GOLGB1: variants seen among roughly 807,000 people sequenced by gnomAD.
GOLGB1 encodes golgin subfamily B member 1.
GOLGB1 carries 174 observed loss-of-function variants against 336.9 expected under a neutral mutation model. The ratio of observed to expected loss-of-function variants is 0.52; its 90% CI spans 0.46 to 0.59. The LOEUF is 0.59. Ranked by LOEUF, GOLGB1 falls within the 20% of genes least tolerant of loss-of-function variation. The pLI is 0.00. For synonymous variants in GOLGB1, 1,208 were observed against 1,289.2 expected (o/e 0.94, Z 1.35); for missense variants, 3,331 against 3,645.3 (o/e 0.91, Z 2.22).
intron 14 of GOLGB1, among the ~76,000 whole-genome samples, chr3:121,686,750 C>G (rs1202190276): frequency 6.6e-6 from 1 of 152,050 alleles, no homozygotes; most frequent in East Asian, 1.9e-4. Flanking sequence ...GACAATCAGG[C>G]AATCACGAAA....
chr3:121,729,811 G>T, intron 3 of GOLGB1, 54 bp downstream of exon 3: 1 of 1,317,604 alleles, frequency 7.6e-7, no homozygotes, highest in Non-Finnish European at 1.1e-6. Flanking sequence ...AGTGAGTAGT[G>T]TATCATCTGT....
chr3:121,677,225 A>G (rs1240878026), intron 16 of GOLGB1, 60 bp downstream of exon 16: 1 of 1,378,332 alleles, frequency 7.3e-7, no homozygotes, highest in Non-Finnish European at 1.0e-6. Flanking sequence ...AAACCCTGCA[A>G]TCATCATCAT....
At chr3:121,732,964 C>G (rs1946216143) in intron 1 of GOLGB1, among the ~76,000 whole-genome samples, 1 of 152,128 alleles carries the variant, frequency 6.6e-6, no homozygotes, top group Non-Finnish European at 1.5e-5. Flanking sequence ...TGTAGACTTT[C>G]CTTAAAAAAC....
At chr3:121,737,299 T>C (rs1946539689) in intron 1 of GOLGB1, among the ~76,000 whole-genome samples, 1 of 152,242 alleles carries the variant, frequency 6.6e-6, no homozygotes, top group Admixed American at 6.5e-5. Context: ...TGCATAGCAT[T>C]AGTTTACGTG....
intron 21 of GOLGB1, 139 bp downstream of exon 21, chr3:121,664,787 T>C: frequency 1.3e-6 from 1 of 766,002 alleles, no homozygotes; most frequent in Non-Finnish European, 2.2e-6. Context: ...GGTTCTAATC[T>C]TCCACGCCCT....
chr3:121,715,204 CTT>C (rs1391088214), intron 9 of GOLGB1, among the ~76,000 whole-genome samples: 10 of 133,550 alleles, frequency 7.5e-5, no homozygotes, highest in Non-Finnish European at 8.1e-5. Flanking sequence ...GGCCTAGGCA[CTT>C]TTTTTTTTTT....
chr3:121,688,937 C>G (rs1942094327), intron 14 of GOLGB1, among the ~76,000 whole-genome samples: 1 of 150,636 alleles, frequency 6.6e-6, no homozygotes, highest in Non-Finnish European at 1.5e-5. Context: ...AAGTGAGGAG[C>G]CCCTTGGCCT....
Position 121,697,783 on chromosome 3 carries a change from T to C in GOLGB1, c.2740A>G (p.Ser914Gly). ...AGCTGAACCATTTTCTCAGTCATAC[T>C]AAAGCTGATTTCTGTCACTTGTTGA... ...KDQQVTEISF[S>G]MTEKMVQLNE... The change falls in exon 13 of 22, where the codon AGT becomes GGT. Residue 914 changes from serine (S) to glycine (G), a missense_variant. Physicochemically the swap from Ser to Gly is moderately conservative, Grantham distance 56. Coordinates refer to ENST00000614479, the MANE Select transcript of GOLGB1 (RefSeq NM_001366282.2). The C allele has an allele frequency of 3.1e-6, 5 of 1,614,032 alleles. No individual in the cohort carries two copies. Among genetic ancestry groups the C allele is most frequent in the Non-Finnish European group, 4.2e-6 (5 of 1,179,882 alleles).
At position 121,664,136 on chromosome 3, in the gene GOLGB1, T is replaced by A. The variant is rs183298403; in HGVS notation, c.*344A>T. ...CAGATTATTAGGTTTATTGAAACCA[T>A]CCTCTTGGCTTGGCTGAAAGACATT... is the stretch of plus-strand genomic sequence containing the variant. On this transcript the variant is annotated 3_prime_UTR_variant, in exon 22 of 22. Coordinates refer to ENST00000614479, the MANE Select transcript of GOLGB1 (RefSeq NM_001366282.2). 19 of 245,900 alleles carry A rather than the reference T, an allele frequency of 7.7e-5. No homozygotes were observed. The East Asian group carries it at 1.3e-3, about 17-fold the overall frequency. The allele number at this position is 245,900 out of a possible 1,614,324, so 15.2% of individuals were successfully genotyped here.
Position 121,681,755 on chromosome 3 carries a change from T to C in GOLGB1, c.8805A>G (p.Ala2935=). ...TGAGCTCTTCTTGCATAATCTGAAA[T>C]GCTTTTGTCTTATCTTGATACTCCT... ...QLQEYQDKTK[A]FQIMQEELRQ... Residue 2935 remains alanine, a synonymous_variant, in exon 15 of 22, where the codon GCA becomes GCG. Coordinates refer to ENST00000614479, the MANE Select transcript of GOLGB1 (RefSeq NM_001366282.2). 1 of 1,612,536 alleles carries C rather than the reference T, an allele frequency of 6.2e-7. No individual in the cohort carries two copies. The highest frequency in any genetic ancestry group is 8.5e-7 in the Non-Finnish European group (1 of 1,178,656).
At chr3:121,714,768 T>C (rs530093611) in intron 10 of GOLGB1, 93 bp downstream of exon 10, 56 of 849,238 alleles carry the variant, frequency 6.6e-5, no homozygotes, top group East Asian at 9.9e-5. Context: ...AAGGTTTATA[T>C]AGCTCTCTGG....
Position 121,677,317 on chromosome 3 carries a change from T to C in GOLGB1, c.9007A>G (p.Thr3003Ala), listed in dbSNP as rs777118617. 10 of 1,611,936 alleles carry C rather than the reference T, an allele frequency of 6.2e-6. No individual in the cohort carries two copies. The South Asian group carries it at 9.9e-5, about 16-fold the overall frequency. ...IRELRSSSSQ[T>A]QPLKVQYQRQ... ...TGGTATTGCACTTTGAGAGGCTGAG[T>C]CTGGGAGGAAGAAGACCTCAATTCC... The change falls in exon 16 of 22, where the codon ACT (threonine) becomes GCT (alanine). Residue 3003 changes from threonine (T) to alanine (A), a missense_variant. By Grantham distance (58) the Thr-to-Ala change is moderately conservative. Coordinates refer to ENST00000614479, the MANE Select transcript of GOLGB1 (RefSeq NM_001366282.2).
rs746649684 is a variant in GOLGB1 at position 121,683,053 on chromosome 3, A to ATTTTTTTTTTTTTT, written c.8695-1202_8695-1189dup. 2.1e-3 allele frequency among the ~76,000 whole-genome samples: 170 copies of ATTTTTTTTTTTTTT among 82,496 alleles called. 13 individuals carry two copies. Among genetic ancestry groups the ATTTTTTTTTTTTTT allele is most frequent in the East Asian group, 3.8e-3 (11 of 2,886 alleles). The allele number at this position is 82,496 out of a possible 152,430, so 54.1% of individuals were successfully genotyped here. ...GCTGCTTAAGAAGCAATTTCTTTTA[A>ATTTTTTTTTTTTTT]TTTTTTTTTTTTTTTTTTTTTTTTT... is the stretch of plus-strand genomic sequence containing the variant. On this transcript the variant is annotated intron_variant, in intron 14 of 21. Coordinates refer to ENST00000614479, the MANE Select transcript of GOLGB1 (RefSeq NM_001366282.2).
chr3:121,706,718 ACTG>A (rs1943866511), intron 10 of GOLGB1, among the ~76,000 whole-genome samples: 1 of 109,822 alleles, frequency 9.1e-6, no homozygotes, highest in Non-Finnish European at 1.7e-5. Flanking sequence ...TGGATGACAC[ACTG>A]AGACTCTGTC....
chr3:121,731,482 G>A (rs1946112514), intron 1 of GOLGB1, among the ~76,000 whole-genome samples: 1 of 151,736 alleles, frequency 6.6e-6, no homozygotes, highest in African/African-American at 2.4e-5. Context: ...TGCCACCTCA[G>A]CCTTTCGAGT....
In GOLGB1 at chr3:121,717,134, G is replaced by C. The variant is rs889729033; in HGVS notation, c.891C>G (p.Leu297=). The C allele has an allele frequency of 6.3e-7, 1 of 1,593,990 alleles. No homozygotes were observed. Residue 297 remains leucine (L), a synonymous_variant, in exon 9 of 22, where the codon CTC becomes CTG. Coordinates refer to ENST00000614479, the MANE Select transcript of GOLGB1 (RefSeq NM_001366282.2). ...LTAAEQRNQI[L]SQQLQQMEAE... is the part of the protein sequence containing the mutation. ...CTTCCATCTGCTGTAACTGCTGAGA[G>C]AGAATCTAAGAAAAAAGACAAAGTC...
intron 17 of GOLGB1, among the ~76,000 whole-genome samples, chr3:121,675,094 C>G (rs1940175096): frequency 1.3e-5 from 2 of 152,108 alleles, no homozygotes; most frequent in South Asian, 4.2e-4. Context: ...CCTCGGCCTC[C>G]CAAAGTGCTG....
intron 1 of GOLGB1, among the ~76,000 whole-genome samples, chr3:121,736,396 T>C (rs1946468066): frequency 6.6e-6 from 1 of 152,190 alleles, no homozygotes; most frequent in Non-Finnish European, 1.5e-5. Flanking sequence ...TAACCCCTGA[T>C]ATAATGTGAT....
chr3:121,734,392 G>GAAAA (rs34906801), intron 1 of GOLGB1, among the ~76,000 whole-genome samples: 6 of 107,202 alleles, frequency 5.6e-5, no homozygotes, highest in Admixed American at 2.3e-4. Flanking sequence ...TCTGTCTCGG[G>GAAAA]AAAAAAAAAA....
Sources: allele counts gnomAD v4.1 joint callset (sites outside exome capture counted in the v4.1 genomes callset), GRCh38; gene constraint gnomAD v4.1.1; transcripts MANE v1.5; gene names NCBI Gene and HGNC (gene_info 2026-07-23, HGNC 2026-07-21).